BRWD3: variants seen among roughly 807,000 people sequenced by gnomAD.
The protein encoded by BRWD3 is bromodomain and WD repeat-containing protein 3.
In BRWD3, 10 loss-of-function variants were observed where a neutral mutation model predicts 149.7. That is an observed-to-expected ratio of 0.07 (90% CI 0.04 to 0.11). The LOEUF (loss-of-function observed/expected upper bound fraction) is 0.11, where lower values mean the gene tolerates loss of function less well. BRWD3 is among the 10% of genes least tolerant of loss of function. The probability of loss-of-function intolerance (pLI) is 1.00; values close to 1 mark genes in which losing one functional copy is unlikely to be tolerated. For missense variants in BRWD3, 940 were observed against 1,373.2 expected (o/e 0.68, Z 4.99); for synonymous variants, 504 against 456.7 (o/e 1.10, Z -1.32).
chrX:80,687,805 T>C (rs1159901717), intron 34 of BRWD3, among the ~76,000 whole-genome samples: 4 of 109,849 alleles, frequency 3.6e-5, no homozygotes, highest in African/African-American at 9.9e-5. Flanking sequence ...GAGTGTAATA[T>C]GTGACCCCTC....
In BRWD3 at chrX:80,734,228, T is replaced by G. The variant is rs1241695456; in HGVS notation, c.986-10A>C. ...GTAATGAACATACCACCTAGAAGAT[T>G]AAAAAACAAAACAAAACATAGTACC... On this transcript the variant is annotated splice_polypyrimidine_tract_variant and intron_variant, in intron 10 of 40. Transcript: ENST00000373275. The G allele has an allele frequency of 3.6e-6, 4 of 1,102,149 alleles. No individual in the cohort carries two copies. Among genetic ancestry groups the G allele is most frequent in the Non-Finnish European group, 5.0e-6 (4 of 796,197 alleles). 90.8% of individuals were successfully genotyped at this position (1,102,149 alleles called of 1,213,427 possible).
intron 4 of BRWD3, among the ~76,000 whole-genome samples, chrX:80,802,442 TAAAAA>T (rs760675783): frequency 2.0e-5 from 1 of 48,883 alleles, no homozygotes; most frequent in Non-Finnish European, 3.5e-5. Flanking sequence ...ACTCTCATCT[TAAAAA>T]AAAAAAAAAA....
chrX:80,801,122 T>C (rs147647069), intron 4 of BRWD3, among the ~76,000 whole-genome samples: 5,376 of 108,968 alleles, frequency 0.049, 120 homozygotes, highest in Non-Finnish European at 0.069. Flanking sequence ...ATATATATCA[T>C]GCTTCTAAAA....
intron 6 of BRWD3, among the ~76,000 whole-genome samples, chrX:80,760,156 T>A (rs2147811747): frequency 8.9e-6 from 1 of 112,203 alleles, no homozygotes; most frequent in Non-Finnish European, 1.9e-5. Context: ...TAATGTTTTC[T>A]CTTGTGAATT....
At position 80,787,339 on chromosome X, in the gene BRWD3, T is replaced by C. The variant is rs776673955; in HGVS notation, c.430+4515A>G. Among the ~76,000 whole-genome samples the C allele has an allele frequency of 4.5e-5, 5 of 111,903 alleles. No individual in the cohort carries two copies. In the South Asian group the frequency reaches 1.8e-3, roughly 41 times the overall value. ...AATCCCAAGCAAAAACTCAGTACCTTCTTTTTGGGGAAATTGAGAAGCTGA... is the reference window on the plus strand; with the variant it reads ...AATCCCAAGCAAAAACTCAGTACCTCCTTTTTGGGGAAATTGAGAAGCTGA... On this transcript the variant is annotated intron_variant, in intron 6 of 40. Transcript: ENST00000373275.
intron 8 of BRWD3, among the ~76,000 whole-genome samples, chrX:80,742,019 T>C (rs894099661): frequency 5.4e-5 from 6 of 111,853 alleles, no homozygotes; most frequent in Non-Finnish European, 3.8e-5. Context: ...GCCTAGGTTT[T>C]CTTCTAGGGT....
intron 14 of BRWD3, 59 bp downstream of exon 14, chrX:80,728,693 G>C (rs2073284141): frequency 9.8e-7 from 1 of 1,024,247 alleles, no homozygotes; most frequent in Admixed American, 2.9e-5. Flanking sequence ...TAAATTTCCT[G>C]TGTCTTAAAA....
At chrX:80,687,536 G>C (rs1239689254) in intron 34 of BRWD3, among the ~76,000 whole-genome samples, 3 of 111,529 alleles carry the variant, frequency 2.7e-5, no homozygotes, top group African/African-American at 6.5e-5. Flanking sequence ...GCACAAAAGA[G>C]TTAACATAGC....
Position 80,809,804 on chromosome X carries a change from ACGCGGGGGGTGGGGGGGC to A in BRWD3, c.-351_-334del, listed in dbSNP as rs2074394812. 9.8e-4 allele frequency: 32 copies of A among 32,707 alleles called. No homozygotes were observed. Among genetic ancestry groups the A allele is most frequent in the South Asian group, 2.6e-3 (3 of 1,150 alleles). The allele number at this position is 32,707 out of a possible 1,213,427, so 2.7% of individuals were successfully genotyped here. A position where few individuals can be genotyped will look rare whatever the true frequency, so the allele number is the denominator to read the frequency against. On this transcript the variant is annotated 5_prime_UTR_variant, in exon 1 of 41. Coordinates refer to ENST00000373275, the MANE Select transcript of BRWD3 (RefSeq NM_153252.5). ...GAGAGAGAGAGAGAGAGAGAGAGAG[ACGCGGGGGGTGGGGGGGC>A]GGAGAGAGAGAGAGAGAGAGAGATA... is the stretch of plus-strand genomic sequence containing the variant.
At chrX:80,685,672 G>GAACTGTACATTCGTCATTCTA in intron 35 of BRWD3, 136 bp from the exon 36 acceptor site, 4 of 505,699 alleles carry the variant, frequency 7.9e-6, no homozygotes, top group Non-Finnish European at 1.4e-5. Flanking sequence ...TAAGGTGAAG[G>GAACTGTACATTCGTCATTCTA]AATTGTACAT....
At chrX:80,703,433 G>A (rs1211666639) in intron 24 of BRWD3, 47 bp downstream of exon 24, 1 of 826,518 alleles carries the variant, frequency 1.2e-6, no homozygotes, top group Non-Finnish European at 1.8e-6. Flanking sequence ...ATTAAAGTTA[G>A]TGCTCTTGAG....
chrX:80,681,571 G>A (rs1204413669), intron 39 of BRWD3, 72 bp from the exon 40 acceptor site: 1 of 834,142 alleles, frequency 1.2e-6, no homozygotes, highest in East Asian at 3.3e-5. Flanking sequence ...GCTACTTTTT[G>A]AAACCATATC....
rs142210787 is a variant in BRWD3 at position 80,735,197 on chromosome X, T to A, written c.915A>T (p.Arg305Ser). 2 of 1,201,007 alleles carry A rather than the reference T, an allele frequency of 1.7e-6. No individual in the cohort carries two copies. Among genetic ancestry groups the A allele is most frequent in the Non-Finnish European group, 2.3e-6 (2 of 887,576 alleles). Residue 305 changes from arginine (R) to serine (S), a missense_variant and splice_region_variant, in exon 10 of 41, where the codon AGA (arginine) becomes AGT (serine). Physicochemically the swap from Arg to Ser is moderately radical, Grantham distance 110. This residue lies in a region of BRWD3 where 209 missense variants were observed against 396.8 expected (regional missense o/e 0.53). Transcript: ENST00000373275. ...TCTCAGTAAATTTCACCGGGCGATC[T>A]CTAAAGATAAAAATAAGGTGTTTTT... ...WQWHVKTMKF[R>S]DRPVKFTERS...
chrX:80,680,330 C>CGCA (rs1470073768), intron 40 of BRWD3, among the ~76,000 whole-genome samples: 5 of 112,014 alleles, frequency 4.5e-5, no homozygotes, highest in South Asian at 3.7e-4. Flanking sequence ...CCAAGATAGA[C>CGCA]GCACATAATG....
In BRWD3 at chrX:80,678,732, G is replaced by A. The variant is rs771841979; in HGVS notation, c.4655-1369C>T. ...CCAGTGGGGTCGGTAGGAAACAAGA[G>A]AGCAGACTGGAAGAATTGAAAAGAA... On this transcript the variant is annotated intron_variant, in intron 40 of 40. Coordinates refer to ENST00000373275, the MANE Select transcript of BRWD3 (RefSeq NM_153252.5). Among the ~76,000 whole-genome samples the A allele has an allele frequency of 3.1e-4, 35 of 111,271 alleles. 1 individual carries two copies. In the Admixed American group the frequency reaches 3.4e-3, roughly 11 times the overall value.
chrX:80,700,003 T>C lies in BRWD3; in HGVS notation c.2897A>G (p.Tyr966Cys), dbSNP rs1433839849. The change falls in exon 25 of 41, where the codon TAC (tyrosine) becomes TGC (cysteine). Residue 966 changes from tyrosine (Y) to cysteine (C), a missense_variant. Physicochemically the swap from Tyr to Cys is radical, Grantham distance 194. This residue lies in a region of BRWD3 where 158 missense variants were observed against 284.0 expected (regional missense o/e 0.56). Transcript: ENST00000373275. ...TGGCTGTTTTTGTAAATTAACACTG[T>C]ATATTTTCGATTTCCTTACAGCCCG... The part of the protein sequence containing the change: ...YVRAVRKSKI[Y>C]SVNLQKQPWN... The C allele has an allele frequency of 8.3e-7, 1 of 1,210,236 alleles. No individual in the cohort carries two copies. The highest frequency in any genetic ancestry group is 3.0e-5 in the East Asian group (1 of 33,740).
intron 6 of BRWD3, among the ~76,000 whole-genome samples, chrX:80,773,329 G>A (rs1449443871): frequency 9.0e-6 from 1 of 110,998 alleles, no homozygotes; most frequent in Admixed American, 9.6e-5. Context: ...CTTTGTTTCT[G>A]CTATTCCTTT....
chrX:80,774,200 T>TC (rs1389052906), intron 6 of BRWD3, among the ~76,000 whole-genome samples: 1 of 111,860 alleles, frequency 8.9e-6, no homozygotes, highest in Non-Finnish European at 1.9e-5. Context: ...ATATTTTTGT[T>TC]CTATCCTGAC....
In BRWD3 at chrX:80,673,119, A is replaced by G. The variant is rs2072335539; in HGVS notation, c.*3490T>C. 8.9e-6 allele frequency: 1 copy of G among 111,884 alleles called. No homozygotes were observed. Among genetic ancestry groups the G allele is most frequent in the South Asian group, 3.7e-4 (1 of 2,728 alleles). The allele number at this position is 111,884 out of a possible 1,213,427, so 9.2% of individuals were successfully genotyped here. ...AAAACAACAAAAAGATAAATAACAG[A>G]AACGTACTTAAAAGTATTAGAAGGC... On this transcript the variant is annotated 3_prime_UTR_variant, in exon 41 of 41. Transcript: ENST00000373275.
Sources: allele counts gnomAD v4.1 joint callset (sites outside exome capture counted in the v4.1 genomes callset), GRCh38; gene constraint gnomAD v4.1.1; regional missense constraint gnomAD v4.1.1; transcripts MANE v1.5; gene names NCBI Gene and HGNC (gene_info 2026-07-23, HGNC 2026-07-21).